The following DOCK4 variants were observed in gnomAD, a reference collection of about 807,000 sequenced individuals.
The protein encoded by DOCK4 is dedicator of cytokinesis 4, also known as dedicator of cytokinesis protein 4.
In DOCK4, 97 loss-of-function variants were observed where a neutral mutation model predicts 268.1. The ratio of observed to expected loss-of-function variants is 0.36; its 90% CI spans 0.31 to 0.43. The LOEUF (loss-of-function observed/expected upper bound fraction) is 0.43. Ranked by LOEUF, DOCK4 falls within the 20% of genes least tolerant of loss-of-function variation. The pLI, the probability that DOCK4 is intolerant of heterozygous loss-of-function variation, is 1.00. For synonymous variants in DOCK4, 954 were observed against 887.2 expected (o/e 1.08, Z -1.34); for missense variants, 2,145 against 2,455.7 (o/e 0.87, Z 2.67).
chr7:111,944,751 C>T, intron 10 of DOCK4, 60 bp downstream of exon 10: 1 of 1,463,560 alleles, frequency 6.8e-7, no homozygotes, highest in East Asian at 2.3e-5. Flanking sequence ...ACATAGAAAC[C>T]TCTTGGCATT....
chr7:111,977,722 A>G (rs1346675078), intron 7 of DOCK4, among the ~76,000 whole-genome samples: 1 of 152,222 alleles, frequency 6.6e-6, no homozygotes, highest in Non-Finnish European at 1.5e-5. Flanking sequence ...AGCAGACTAA[A>G]TTATATCTAA....
At chr7:112,030,197 G>A (rs1803153840) in intron 1 of DOCK4, among the ~76,000 whole-genome samples, 1 of 152,214 alleles carries the variant, frequency 6.6e-6, no homozygotes, top group South Asian at 2.1e-4. Flanking sequence ...GAGTGTAACA[G>A]CAAGCATACA....
At chr7:111,925,534 GA>G (rs1277179230) in intron 12 of DOCK4, among the ~76,000 whole-genome samples, 1 of 152,198 alleles carries the variant, frequency 6.6e-6, no homozygotes, top group African/African-American at 2.4e-5. Flanking sequence ...GTTAGATGGA[GA>G]AATCAAGATG....
chr7:111,817,888 T>C (rs972377571), intron 27 of DOCK4, among the ~76,000 whole-genome samples: 2 of 152,122 alleles, frequency 1.3e-5, no homozygotes, highest in Non-Finnish European at 2.9e-5. Flanking sequence ...TCCTATTCAC[T>C]CTAATTAGGT....
At chr7:111,814,512 A>G (rs1476310622) in intron 27 of DOCK4, among the ~76,000 whole-genome samples, 1 of 152,108 alleles carries the variant, frequency 6.6e-6, no homozygotes, top group Non-Finnish European at 1.5e-5. Context: ...CTCAAACTTT[A>G]ACAGGTACCT....
chr7:111,994,499 AG>A (rs1799773759), intron 4 of DOCK4, among the ~76,000 whole-genome samples: 1 of 152,212 alleles, frequency 6.6e-6, no homozygotes, highest in African/African-American at 2.4e-5. Flanking sequence ...CTCCAGTACC[AG>A]TTCACGACTA....
intron 1 of DOCK4, among the ~76,000 whole-genome samples, chr7:112,128,157 T>G (rs1165921616): frequency 6.6e-6 from 1 of 152,264 alleles, no homozygotes; most frequent in African/African-American, 2.4e-5. Flanking sequence ...TAGATTCCAG[T>G]ACTCTCCTTC....
chr7:111,855,372 CACAG>C lies in DOCK4; in HGVS notation c.2473+7996_2473+7999del, dbSNP rs1442240653. Among the ~76,000 whole-genome samples, 4 of 152,102 alleles carry C rather than the reference CACAG, an allele frequency of 2.6e-5. No homozygotes were observed. The East Asian group carries it at 7.7e-4, about 29-fold the overall frequency. ...ACAGAGGCACGTGAGGTTTCTTGGC[CACAG>C]ACAGAGACAAAGGGCAAAAGGGAGA... On this transcript the variant is annotated intron_variant, in intron 23 of 52. Transcript: ENST00000428084.
intron 25 of DOCK4, chr7:111,840,697 A>G (rs1303119066): frequency 3.8e-6 from 3 of 779,500 alleles, no homozygotes; most frequent in East Asian, 1.9e-4. Context: ...CTGGGTAACA[A>G]TCATGGTGCT....
chr7:111,813,537 C>A (rs985659553), intron 27 of DOCK4, among the ~76,000 whole-genome samples: 2 of 152,166 alleles, frequency 1.3e-5, no homozygotes, highest in African/African-American at 4.8e-5. Flanking sequence ...GGCATTCGCT[C>A]TACCATGAAC....
intron 8 of DOCK4, among the ~76,000 whole-genome samples, chr7:111,972,333 T>C (rs1314607978): frequency 6.6e-6 from 1 of 151,074 alleles, no homozygotes; most frequent in Non-Finnish European, 1.5e-5. Flanking sequence ...CTCTGCCTTT[T>C]GCCACTTAGA....
rs190631491 is a variant in DOCK4, at chr7:112,179,961, G to A, written c.37+26141C>T. Among the ~76,000 whole-genome samples, 794 of 152,170 alleles carry A rather than the reference G, an allele frequency of 5.2e-3. 8 individuals carry two copies. The highest frequency in any genetic ancestry group is 0.018 in the African/African-American group (749 of 41,490). On this transcript the variant is annotated intron_variant, in intron 1 of 52. Transcript: ENST00000428084. ...CAAGTTGTCAATCTAGTTTTAAAAC[G>A]GGGTGGAGTGGGGGTGGGTGCACAC...
chr7:112,070,370 T>C (rs958435817), intron 1 of DOCK4, among the ~76,000 whole-genome samples: 3 of 152,146 alleles, frequency 2.0e-5, no homozygotes, highest in Non-Finnish European at 4.4e-5. Flanking sequence ...AGAGTAACTA[T>C]GGGAATTGAT....
At position 112,009,944 on chromosome 7, in the gene DOCK4, G is replaced by A. The variant is rs78558292; in HGVS notation, c.38-5813C>T. Among the ~76,000 whole-genome samples, 835 of 152,228 alleles carry A rather than the reference G, an allele frequency of 5.5e-3. 9 individuals carry two copies. The highest frequency in any genetic ancestry group is 0.018 in the African/African-American group (766 of 41,532). On this transcript the variant is annotated intron_variant, in intron 1 of 52. Transcript: ENST00000428084. ...CCATCCTCCCACCTCAGCCTCCTCA[G>A]TAGCTCGGACTGAAAGCGTTCGCCA...
intron 1 of DOCK4, among the ~76,000 whole-genome samples, chr7:112,181,735 T>A (rs1287597721): frequency 6.7e-6 from 1 of 149,580 alleles, no homozygotes; most frequent in Non-Finnish European, 1.5e-5. Flanking sequence ...AGTATGCAAC[T>A]CTTAACAAGA....
At chr7:111,986,615 CTG>C (rs1250811570) in intron 6 of DOCK4, among the ~76,000 whole-genome samples, 10 of 152,230 alleles carry the variant, frequency 6.6e-5, no homozygotes, top group South Asian at 2.1e-4. Flanking sequence ...CTAAACTACT[CTG>C]TGACACCAAG....
At chr7:112,185,540 G>C (rs969464490) in intron 1 of DOCK4, among the ~76,000 whole-genome samples, 9 of 151,770 alleles carry the variant, frequency 5.9e-5, no homozygotes, top group African/African-American at 2.2e-4. Flanking sequence ...AAGCATTCAA[G>C]TCTGATTCTG....
intron 1 of DOCK4, among the ~76,000 whole-genome samples, chr7:112,099,576 A>G (rs1028953137): frequency 3.9e-5 from 6 of 152,342 alleles, no homozygotes; most frequent in Admixed American, 3.9e-4. Context: ...AGCAACTATC[A>G]TAGCACATGG....
At chr7:112,130,084 C>T (rs1246810231) in intron 1 of DOCK4, among the ~76,000 whole-genome samples, 1 of 152,172 alleles carries the variant, frequency 6.6e-6, no homozygotes. Flanking sequence ...AGGCTTCCCG[C>T]ATTCAGGGAA....
Sources: gnomAD v4.1 joint callset for allele counts (sites outside exome capture counted in the v4.1 genomes callset) on GRCh38, gnomAD v4.1.1 for gene constraint, MANE v1.5 for transcripts, NCBI Gene and HGNC (gene_info 2026-07-23, HGNC 2026-07-21) for gene names.